Variants in LUZP2 observed in about 807,000 individuals in gnomAD.
LUZP2 encodes the protein leucine zipper protein 2.
LUZP2 carries 52 observed loss-of-function variants against 51.6 expected under a neutral mutation model. That is an observed-to-expected ratio of 1.01 (90% confidence interval 0.81 to 1.27). The LOEUF is 1.27. LUZP2 is among the 50% of genes most tolerant of loss of function. The pLI, the probability that LUZP2 is intolerant of heterozygous loss-of-function variation, is 0.00. For synonymous variants in LUZP2, 154 were observed against 137.3 expected (o/e 1.12, Z -0.85); for missense variants, 436 against 395.4 (o/e 1.10, Z -0.87).
At chr11:24,649,387 A>G (rs1855557189) in intron 1 of LUZP2, among the ~76,000 whole-genome samples, 1 of 151,984 alleles carries the variant, frequency 6.6e-6, no homozygotes, top group Non-Finnish European at 1.5e-5. Flanking sequence ...TTCAATCTGT[A>G]CAAGCCTCCT....
chr11:24,655,227 G>T (rs1245290747), intron 1 of LUZP2, among the ~76,000 whole-genome samples: 1 of 151,996 alleles, frequency 6.6e-6, no homozygotes, highest in Admixed American at 6.6e-5. Context: ...TACAAGTTAA[G>T]ACAAAAATTG....
intron 1 of LUZP2, among the ~76,000 whole-genome samples, chr11:24,682,528 A>AG (rs74984908): frequency 1 from 140,707 of 140,728 alleles, 70,343 homozygotes; most frequent in Middle Eastern, 1. Flanking sequence ...CAAATTCAGT[A>AG]GGTTCAGTGT....
chr11:24,525,424 C>A (rs1590136522), intron 1 of LUZP2, among the ~76,000 whole-genome samples: 1 of 151,596 alleles, frequency 6.6e-6, no homozygotes, highest in Middle Eastern at 3.4e-3. Context: ...ATGACTTTAA[C>A]TCTGAGCTAA....
chr11:24,652,037 G>A (rs971451745), intron 1 of LUZP2, among the ~76,000 whole-genome samples: 2 of 145,992 alleles, frequency 1.4e-5, no homozygotes, highest in Admixed American at 1.4e-4. Context: ...AGATATATGT[G>A]TGTACACATG....
intron 4 of LUZP2, among the ~76,000 whole-genome samples, chr11:24,762,712 C>T (rs142632880): frequency 2.2e-4 from 33 of 152,150 alleles, no homozygotes; most frequent in East Asian, 7.7e-4. Context: ...TTAGGAAATA[C>T]GGTTCCAATA....
At chr11:24,585,698 T>C (rs993066187) in intron 1 of LUZP2, among the ~76,000 whole-genome samples, 3 of 152,116 alleles carry the variant, frequency 2.0e-5, no homozygotes, top group Non-Finnish European at 4.4e-5. Flanking sequence ...TAAGAGACCT[T>C]GTCTCTTAAG....
In LUZP2 at chr11:24,546,377, C is replaced by T. The variant is rs7946062; in HGVS notation, c.62+49072C>T. On this transcript the variant is annotated intron_variant, in intron 1 of 11. Coordinates refer to ENST00000336930, the MANE Select transcript of LUZP2 (RefSeq NM_001009909.4). ...CTGTTGCCAGTTTTCAAGGGAAATGCTTCCAGCTCCTCCCTGTTTAGTATG... is the reference window on the plus strand; with the variant it reads ...CTGTTGCCAGTTTTCAAGGGAAATGTTTCCAGCTCCTCCCTGTTTAGTATG... Among the ~76,000 whole-genome samples the T allele has an allele frequency of 8.7e-3, 1,328 of 152,172 alleles. 19 individuals are homozygous for T. The highest frequency in any genetic ancestry group is 0.028 in the African/African-American group (1,166 of 41,552).
At chr11:24,515,698 G>C (rs571311149) in intron 1 of LUZP2, among the ~76,000 whole-genome samples, 1 of 152,246 alleles carries the variant, frequency 6.6e-6, no homozygotes, top group African/African-American at 2.4e-5. Context: ...ATAGCAATGT[G>C]AAAGGTGCTA....
Position 24,863,848 on chromosome 11 carries a change from A to C in LUZP2, c.397-42143A>C, listed in dbSNP as rs575118216. ...GCACATAAAAGACTGAGTGCACTGAAGATTATTTATCTAAGATATCATAAT... is the reference window on the plus strand; with the variant it reads ...GCACATAAAAGACTGAGTGCACTGACGATTATTTATCTAAGATATCATAAT... On this transcript the variant is annotated intron_variant, in intron 5 of 11. Transcript: ENST00000336930. Among the ~76,000 whole-genome samples the C allele has an allele frequency of 3.3e-5, 5 of 152,274 alleles. No homozygotes were observed. The East Asian group carries it at 7.7e-4, about 24-fold the overall frequency.
chr11:24,728,754 A>G (rs1173869276), intron 1 of LUZP2, among the ~76,000 whole-genome samples: 2 of 151,746 alleles, frequency 1.3e-5, no homozygotes, highest in Non-Finnish European at 2.9e-5. Flanking sequence ...TTCAACATTT[A>G]TTTTCTTTAG....
chr11:24,525,027 A>G (rs1401649822), intron 1 of LUZP2, among the ~76,000 whole-genome samples: 1 of 151,604 alleles, frequency 6.6e-6, no homozygotes, highest in Non-Finnish European at 1.5e-5. Flanking sequence ...ATTTGCCACT[A>G]ATGGATTTCT....
chr11:24,997,896 T>A (rs1056669638), intron 9 of LUZP2, among the ~76,000 whole-genome samples: 3 of 152,174 alleles, frequency 2.0e-5, no homozygotes, highest in African/African-American at 7.2e-5. Flanking sequence ...CCATTGCTTG[T>A]TTTTCTCAGA....
chr11:24,624,111 G>C (rs1351100211), intron 1 of LUZP2, among the ~76,000 whole-genome samples: 1 of 152,088 alleles, frequency 6.6e-6, no homozygotes, highest in Non-Finnish European at 1.5e-5. Flanking sequence ...AATTTACAGA[G>C]AGGGAAACTG....
At chr11:24,761,226 T>C (rs1859966807) in intron 4 of LUZP2, among the ~76,000 whole-genome samples, 1 of 152,118 alleles carries the variant, frequency 6.6e-6, no homozygotes, top group Non-Finnish European at 1.5e-5. Context: ...CTTTTACTCA[T>C]GGCAGAAGGC....
chr11:24,530,790 G>T, intron 1 of LUZP2, among the ~76,000 whole-genome samples: 1 of 120,272 alleles, frequency 8.3e-6, no homozygotes, highest in African/African-American at 3.1e-5. Flanking sequence ...TTTTTTGGTG[G>T]GGTTTAGGGT....
At chr11:24,552,911 T>G (rs981645102) in intron 1 of LUZP2, among the ~76,000 whole-genome samples, 4 of 151,316 alleles carry the variant, frequency 2.6e-5, no homozygotes, top group African/African-American at 9.7e-5. Flanking sequence ...AATTAATACT[T>G]TATTTTAAAT....
chr11:24,834,349 G>A (rs553183718), intron 5 of LUZP2, among the ~76,000 whole-genome samples: 2 of 152,168 alleles, frequency 1.3e-5, no homozygotes, highest in East Asian at 3.9e-4. Context: ...TGCAATGCTT[G>A]GTTTTCTGTT....
intron 10 of LUZP2, among the ~76,000 whole-genome samples, chr11:25,063,654 T>A (rs148141863): frequency 1.2e-4 from 19 of 152,020 alleles, no homozygotes; most frequent in South Asian, 2.1e-4. Context: ...TGCAAATGCA[T>A]CTGAGTAAGT....
Position 24,553,956 on chromosome 11 carries a change from G to A in LUZP2, c.62+56651G>A, listed in dbSNP as rs1180378923. Among the ~76,000 whole-genome samples the A allele has an allele frequency of 1.3e-5, 2 of 152,094 alleles. 1 individual carries two copies. Among genetic ancestry groups the A allele is most frequent in the Admixed American group, 1.3e-4 (2 of 15,238 alleles). ...TGAAAGTATTTCTCTCTAAAGTTCC[G>A]CGAAAGAATGCCTTTGTGCAGCCTA... On this transcript the variant is annotated intron_variant, in intron 1 of 11. Transcript: ENST00000336930.
Sources: gnomAD v4.1 joint callset for allele counts (sites outside exome capture counted in the v4.1 genomes callset) on GRCh38, gnomAD v4.1.1 for gene constraint, MANE v1.5 for transcripts, NCBI Gene and HGNC (gene_info 2026-07-23, HGNC 2026-07-21) for gene names.